The following TTC39B variants were observed in gnomAD, a reference collection of about 807,000 sequenced individuals.
TTC39B encodes tetratricopeptide repeat domain 39B, also known as tetratricopeptide repeat protein 39B.
In TTC39B, 92 loss-of-function variants were observed where a neutral mutation model predicts 96.6. The ratio of observed to expected loss-of-function variants is 0.95; its 90% confidence interval spans 0.80 to 1.13. TTC39B has a LOEUF of 1.13. TTC39B is among the 50% of genes most tolerant of loss of function. The pLI, the probability that TTC39B is intolerant of heterozygous loss-of-function variation, is 0.00. For missense variants in TTC39B, 955 were observed against 809.3 expected, an observed-to-expected ratio of 1.18 and a Z score of -2.18; for synonymous variants, 367 against 299.4, an observed-to-expected ratio of 1.23 and a Z score of -2.33.
chr9:15,178,689 T>C (rs909026699), intron 17 of TTC39B, among the ~76,000 whole-genome samples: 3 of 152,228 alleles, frequency 2.0e-5, no homozygotes, highest in Admixed American at 1.3e-4. Flanking sequence ...CTGAGCTTTG[T>C]GACCTTAGAT....
chr9:15,303,612 C>T (rs1326724185), intron 1 of TTC39B, among the ~76,000 whole-genome samples: 1 of 151,478 alleles, frequency 6.6e-6, no homozygotes, highest in Non-Finnish European at 1.5e-5. Context: ...TTTTAGTGAA[C>T]TTTTGTTTCA....
At chr9:15,234,253 G>C (rs972494353) in intron 2 of TTC39B, among the ~76,000 whole-genome samples, 2 of 151,636 alleles carry the variant, frequency 1.3e-5, no homozygotes, top group Non-Finnish European at 2.9e-5. Context: ...CCCCGTCCGG[G>C]AGGGAGGTGG....
At chr9:15,232,835 CCT>C (rs1374626918) in intron 2 of TTC39B, among the ~76,000 whole-genome samples, 1 of 152,206 alleles carries the variant, frequency 6.6e-6, no homozygotes, top group Non-Finnish European at 1.5e-5. Context: ...GGAGAGGCCG[CCT>C]AACGTTCTGC....
chr9:15,270,525 AT>A (rs1167657527), intron 1 of TTC39B, among the ~76,000 whole-genome samples: 1 of 152,020 alleles, frequency 6.6e-6, no homozygotes, highest in African/African-American at 2.4e-5. Context: ...GACGCAAAGG[AT>A]AACTTGGGAA....
chr9:15,175,096 G>A (rs1429940874), exon 19 of TTC39B: 2 of 1,613,592 alleles, frequency 1.2e-6, no homozygotes, highest in Non-Finnish European at 1.7e-6. Flanking sequence ...CAAATAGAGT[G>A]AACGGCACTA....
At chr9:15,234,608 G>C (rs1439835331) in intron 2 of TTC39B, among the ~76,000 whole-genome samples, 1 of 152,152 alleles carries the variant, frequency 6.6e-6, no homozygotes, top group East Asian at 1.9e-4. Flanking sequence ...GTGGGGAAAA[G>C]ATTGAGAAAT....
In TTC39B at chr9:15,260,663, C is replaced by G. The variant is rs187045780; in HGVS notation, c.275+7251G>C. On this transcript the variant is annotated intron_variant, in intron 2 of 19. Coordinates refer to ENST00000512701, the Ensembl canonical transcript of TTC39B. Reference sequence around the variant, plus strand: ...CCTAAAAGCCTTACTTCACTCTCATCTACAATTTATGGTTCGAAAGAGAAG... The same window carrying G: ...CCTAAAAGCCTTACTTCACTCTCATGTACAATTTATGGTTCGAAAGAGAAG... Among the ~76,000 whole-genome samples, 41 of 152,198 alleles carry G rather than the reference C, an allele frequency of 2.7e-4. No individual in the cohort carries two copies. The East Asian group carries it at 7.7e-3, about 29-fold the overall frequency.
At chr9:15,280,785 G>A (rs1225859841) in intron 1 of TTC39B, among the ~76,000 whole-genome samples, 1 of 152,142 alleles carries the variant, frequency 6.6e-6, no homozygotes, top group Non-Finnish European at 1.5e-5. Flanking sequence ...CTTGAGTCTG[G>A]TCCTTCCCAA....
rs962311946 is a variant in TTC39B at position 15,256,319 on chromosome 9, G to A, written c.275+11595C>T. On this transcript the variant is annotated intron_variant, in intron 2 of 19. Coordinates refer to ENST00000512701, the Ensembl canonical transcript of TTC39B. ...CTGCCACTTTACTCTTGGACCTTGC[G>A]GCCTACAAAGCAGTGAGGAAATAAA... Among the ~76,000 whole-genome samples the A allele has an allele frequency of 6.6e-5, 10 of 152,200 alleles. No individual in the cohort carries two copies. The East Asian group carries it at 7.7e-4, about 12-fold the overall frequency.
chr9:15,249,951 A>T, intron 2 of TTC39B: 1 of 1,287,836 alleles, frequency 7.8e-7, no homozygotes, highest in Non-Finnish European at 1.0e-6. Context: ...GGAGGAATGA[A>T]TATAGTCCCA....
chr9:15,171,504 CCGTGTT>C (rs1817658956), exon 20 of TTC39B: 1 of 152,372 alleles, frequency 6.6e-6, no homozygotes, highest in Non-Finnish European at 1.5e-5. Context: ...TTATATCGAT[CCGTGTT>C]CATGTTCTCA....
chr9:15,228,191 C>T (rs544515978), intron 2 of TTC39B, among the ~76,000 whole-genome samples: 3 of 152,128 alleles, frequency 2.0e-5, no homozygotes, highest in South Asian at 2.1e-4. Flanking sequence ...GGACTGGGCA[C>T]GCTGGCTCAT....
chr9:15,227,030 G>A (rs925620056), intron 2 of TTC39B, among the ~76,000 whole-genome samples: 7 of 152,018 alleles, frequency 4.6e-5, no homozygotes, highest in African/African-American at 1.4e-4. Flanking sequence ...ATGTACAATG[G>A]GTGCAGTGGC....
At chr9:15,305,060 T>C (rs1441016637) in intron 1 of TTC39B, among the ~76,000 whole-genome samples, 1 of 152,068 alleles carries the variant, frequency 6.6e-6, no homozygotes, top group African/African-American at 2.4e-5. Flanking sequence ...AAAAGCTTCC[T>C]AGCTGAAATA....
chr9:15,281,290 G>A (rs1273875945), intron 1 of TTC39B, among the ~76,000 whole-genome samples: 1 of 152,116 alleles, frequency 6.6e-6, no homozygotes. Flanking sequence ...TCAAACTCAT[G>A]GGGTTGAAGA....
Position 15,193,752 on chromosome 9 carries a change from T to C in TTC39B, c.825-1057A>G, listed in dbSNP as rs542583393. Among the ~76,000 whole-genome samples, 8 of 152,364 alleles carry C rather than the reference T, an allele frequency of 5.3e-5. No individual in the cohort carries two copies. In the South Asian group the frequency reaches 1.4e-3, roughly 28 times the overall value. On this transcript the variant is annotated intron_variant, in intron 8 of 19. Coordinates refer to ENST00000512701, the Ensembl canonical transcript of TTC39B. ...TTTGAAACTGACATCATGTACCTAATGATATCATTTCTAAGGTATTTTTGC... is the reference window on the plus strand; with the variant it reads ...TTTGAAACTGACATCATGTACCTAACGATATCATTTCTAAGGTATTTTTGC...
chr9:15,186,898 C>T, intron 15 of TTC39B, 46 bp downstream of exon 15: 1 of 1,572,918 alleles, frequency 6.4e-7, no homozygotes, highest in African/African-American at 1.4e-5. Flanking sequence ...GATTTTGCCC[C>T]TTTATACCCT....
chr9:15,304,959 T>G (rs1448956696), intron 1 of TTC39B, among the ~76,000 whole-genome samples: 1 of 152,232 alleles, frequency 6.6e-6, no homozygotes, highest in Non-Finnish European at 1.5e-5. Context: ...TATATCACTT[T>G]GTCCCTTTTA....
At chr9:15,285,354 T>C (rs1587008548) in intron 1 of TTC39B, among the ~76,000 whole-genome samples, 1 of 152,154 alleles carries the variant, frequency 6.6e-6, no homozygotes, top group African/African-American at 2.4e-5. Flanking sequence ...TTAAAAACTT[T>C]TTATTTAGAA....
Sources: allele counts gnomAD v4.1 joint callset (sites outside exome capture counted in the v4.1 genomes callset), GRCh38; gene constraint gnomAD v4.1.1; transcripts MANE v1.5; gene names NCBI Gene and HGNC (gene_info 2026-07-23, HGNC 2026-07-21).